The following ZNF516 variants were observed in gnomAD, a reference collection of about 807,000 sequenced individuals.
The protein encoded by ZNF516 is zinc finger protein 516.
A neutral mutation model predicts 79.7 loss-of-function variants in ZNF516; 19 were observed. The ratio of observed to expected loss-of-function variants is 0.24; its 90% CI spans 0.17 to 0.35. ZNF516 has a LOEUF of 0.35. Among genes scored for constraint, ZNF516 ranks in the 10% least tolerant of loss-of-function variants. ZNF516 has a pLI of 1.00. For missense variants in ZNF516, 1,678 were observed against 1,679.5 expected (o/e 1.00, Z 0.02); for synonymous variants, 877 against 739.5 (o/e 1.19, Z -3.02).
intron 3 of ZNF516, among the ~76,000 whole-genome samples, chr18:76,407,404 G>A (rs774518870): frequency 7.2e-5 from 11 of 152,174 alleles, no homozygotes; most frequent in Non-Finnish European, 1.5e-4. Context: ...CAGCCTGAGC[G>A]ACAGAGACCC....
chr18:76,438,915 A>G (rs922191542), intron 3 of ZNF516, among the ~76,000 whole-genome samples: 2 of 152,314 alleles, frequency 1.3e-5, no homozygotes, highest in South Asian at 2.1e-4. Context: ...TTCGTTCCTC[A>G]ATTCCCACAC....
intron 3 of ZNF516, among the ~76,000 whole-genome samples, chr18:76,432,473 C>T (rs1420106260): frequency 6.6e-6 from 1 of 152,260 alleles, no homozygotes; most frequent in African/African-American, 2.4e-5. Flanking sequence ...CTTACCAGGC[C>T]CATCACCTCA....
chr18:76,375,918 C>A (rs1015086161), intron 4 of ZNF516, among the ~76,000 whole-genome samples: 1 of 150,336 alleles, frequency 6.7e-6, no homozygotes, highest in African/African-American at 2.5e-5. Flanking sequence ...GATGGGAAGG[C>A]CCAAGAGACC....
intron 2 of ZNF516, among the ~76,000 whole-genome samples, chr18:76,447,057 T>C (rs529541058): frequency 6.6e-6 from 1 of 152,318 alleles, no homozygotes; most frequent in Admixed American, 6.5e-5. Flanking sequence ...CAGTCAAAAA[T>C]TAATTCCCTG....
rs1459717086 is a variant in ZNF516 at position 76,459,008 on chromosome 18, G to T, written c.-158+4020C>A. On this transcript the variant is annotated intron_variant, in intron 2 of 6. Coordinates refer to ENST00000443185, the MANE Select transcript of ZNF516 (RefSeq NM_014643.4). The surrounding 1 kb of genome is among the most constrained non-coding windows in gnomAD (Gnocchi z 5.0). ...AGTGTGCCCGAGGGTGTGTGTGTGT[G>T]TCTGAGAGAGCACATGTGTGTGATC... Among the ~76,000 whole-genome samples, 2 of 152,226 alleles carry T rather than the reference G, an allele frequency of 1.3e-5. No homozygotes were observed. The highest frequency in any genetic ancestry group is 2.9e-5 in the Non-Finnish European group (2 of 68,038).
chr18:76,449,525 G>A (rs995611666), intron 2 of ZNF516, among the ~76,000 whole-genome samples: 1 of 152,228 alleles, frequency 6.6e-6, no homozygotes, highest in African/African-American at 2.4e-5. Context: ...GCCACTACCT[G>A]AGGTCAGCTG....
At chr18:76,460,875 T>C (rs1913058797) in intron 2 of ZNF516, among the ~76,000 whole-genome samples, 2 of 152,150 alleles carry the variant, frequency 1.3e-5, no homozygotes, top group Admixed American at 1.3e-4. Context: ...CCAGAAGTAA[T>C]AGAAGGGCCT....
At chr18:76,398,778 A>T (rs2075179007) in intron 3 of ZNF516, among the ~76,000 whole-genome samples, 1 of 152,184 alleles carries the variant, frequency 6.6e-6, no homozygotes, top group Admixed American at 6.5e-5. Context: ...CTCCGACTTA[A>T]AGCCAACTAA....
chr18:76,408,538 C>G (rs1241874189), intron 3 of ZNF516, among the ~76,000 whole-genome samples: 1 of 152,108 alleles, frequency 6.6e-6, no homozygotes, highest in Non-Finnish European at 1.5e-5. Context: ...AGGTGAAAAA[C>G]GTCTAAAGGC....
rs1034828161 is a variant in ZNF516, at chr18:76,360,873, GTGTGTGTGTT to G, written c.*1615_*1624del. The G allele has an allele frequency of 3.3e-5, 5 of 150,778 alleles. No individual in the cohort carries two copies. The highest frequency in any genetic ancestry group is 1.9e-4 in the East Asian group (1 of 5,164). The allele number at this position is 150,778 out of a possible 1,614,324, so 9.3% of individuals were successfully genotyped here. On this transcript the variant is annotated 3_prime_UTR_variant, in exon 7 of 7. Coordinates refer to ENST00000443185, the MANE Select transcript of ZNF516 (RefSeq NM_014643.4). ...ACAGGAAACCCACACTTTAGGGTGTGTGTGTGTGTTTGTGTGTGTGTGTGTCTGTGTTTAA... is the reference window on the plus strand; with the variant it reads ...ACAGGAAACCCACACTTTAGGGTGTGTGTGTGTGTGTGTGTCTGTGTTTAA...
chr18:76,374,526 G>A (rs2074756350), intron 4 of ZNF516, among the ~76,000 whole-genome samples: 1 of 152,104 alleles, frequency 6.6e-6, no homozygotes. Flanking sequence ...ATGTGGGGGC[G>A]GGGAAGTCTT....
At chr18:76,391,764 A>G (rs1168952597) in intron 3 of ZNF516, among the ~76,000 whole-genome samples, 2 of 152,342 alleles carry the variant, frequency 1.3e-5, no homozygotes, top group East Asian at 3.9e-4. Context: ...AACCAGGTGG[A>G]AAACTGCAGA....
intron 3 of ZNF516, among the ~76,000 whole-genome samples, chr18:76,429,751 C>T (rs999501236): frequency 3.9e-5 from 6 of 152,168 alleles, no homozygotes; most frequent in African/African-American, 1.4e-4. Context: ...GAAAGAATAA[C>T]CAGGAAATTC....
intron 2 of ZNF516, among the ~76,000 whole-genome samples, chr18:76,450,683 A>G (rs1173879464): frequency 1.3e-5 from 2 of 152,142 alleles, no homozygotes; most frequent in Non-Finnish European, 2.9e-5. Context: ...CCTTCCCAGC[A>G]CTTGACGAAG....
In ZNF516 at chr18:76,440,742, TTGTG is replaced by T. The variant is rs138856557; in HGVS notation, c.1810+499_1810+502del. 2.5e-3 allele frequency among the ~76,000 whole-genome samples: 381 copies of T among 149,994 alleles called. 1 individual carries two copies. Among genetic ancestry groups the T allele is most frequent in the East Asian group, 6.6e-3 (33 of 4,996 alleles). On this transcript the variant is annotated intron_variant, in intron 3 of 6. Coordinates refer to ENST00000443185, the MANE Select transcript of ZNF516 (RefSeq NM_014643.4). The stretch of plus-strand genomic sequence containing the variant: ...TGGAGGAAAGTGTGTGTGTGTGTGT[TTGTG>T]TGTGTGTGTGTGTGTGCGCGCACGC...
chr18:76,448,077 A>C (rs1437429874), intron 2 of ZNF516, among the ~76,000 whole-genome samples: 2 of 152,240 alleles, frequency 1.3e-5, no homozygotes, highest in East Asian at 1.9e-4. Context: ...TACTCATAAC[A>C]TAAAAATACA....
At chr18:76,458,198 T>A (rs1413336223) in intron 2 of ZNF516, among the ~76,000 whole-genome samples, 1 of 152,146 alleles carries the variant, frequency 6.6e-6, no homozygotes, top group East Asian at 1.9e-4. Context: ...CAAACAGAAA[T>A]CCTTGATAAA....
Position 76,382,062 on chromosome 18 carries a change from G to A in ZNF516, c.1811-1759C>T, listed in dbSNP as rs188060165. Among the ~76,000 whole-genome samples, 137 of 152,292 alleles carry A rather than the reference G, an allele frequency of 9.0e-4. 1 individual carries two copies. Among genetic ancestry groups the A allele is most frequent in the African/African-American group, 3.1e-3 (129 of 41,554 alleles). Reference sequence around the variant, plus strand: ...CAGGAGAATCGCTTGAACCCAGGAGGTGGAGGTTGCAGTGAGCTGACATCA... The same window carrying A: ...CAGGAGAATCGCTTGAACCCAGGAGATGGAGGTTGCAGTGAGCTGACATCA... On this transcript the variant is annotated intron_variant, in intron 3 of 6. Coordinates refer to ENST00000443185, the MANE Select transcript of ZNF516 (RefSeq NM_014643.4).
intron 1 of ZNF516, among the ~76,000 whole-genome samples, chr18:76,480,529 A>ATATATTTTTT (rs374464151): frequency 1.1e-4 from 16 of 142,022 alleles, no homozygotes; most frequent in Non-Finnish European, 2.1e-4. Context: ...ACACACATAT[A>ATATATTTTTT]TTTTTTTTTT....
Sources: gnomAD v4.1 joint callset for allele counts (sites outside exome capture counted in the v4.1 genomes callset) on GRCh38, gnomAD v4.1.1 for gene constraint, Gnocchi (gnomAD v3.1) non-coding constraint, MANE v1.5 for transcripts, NCBI Gene and HGNC (gene_info 2026-07-23, HGNC 2026-07-21) for gene names.